ALOX5: variants seen among roughly 807,000 people sequenced by gnomAD.
ALOX5 encodes arachidonate 5-lipoxygenase, also known as polyunsaturated fatty acid 5-lipoxygenase.
Under a neutral mutation model 87.9 loss-of-function variants are expected in ALOX5, and 64 were observed. The observed-to-expected ratio is 0.73, with a 90% CI of 0.60 to 0.90. ALOX5 has a LOEUF of 0.90. Ranked by LOEUF, ALOX5 falls within the 40% of genes least tolerant of loss-of-function variation. ALOX5 has a pLI of 0.00. For synonymous variants in ALOX5, 388 were observed against 355.1 expected, an observed-to-expected ratio of 1.09 and a Z score of -1.04; for missense variants, 822 against 907.5, an observed-to-expected ratio of 0.91 and a Z score of 1.21.
intron 1 of ALOX5, among the ~76,000 whole-genome samples, chr10:45,377,436 T>C (rs569760974): frequency 4.3e-4 from 65 of 152,082 alleles, no homozygotes; most frequent in African/African-American, 1.4e-3. Flanking sequence ...TTTTTTGCTC[T>C]GAATTTTCCT....
chr10:45,432,821 G>A (rs1308799471), intron 7 of ALOX5, among the ~76,000 whole-genome samples: 1 of 152,250 alleles, frequency 6.6e-6, no homozygotes, highest in South Asian at 2.1e-4. Flanking sequence ...ATTTGATTAT[G>A]TAATGTTTTA....
chr10:45,434,252 C>T lies in ALOX5; in HGVS notation c.981+5488C>T, dbSNP rs549746572. ...CCAGTAGCACTGAACAGGTGTGCAC[C>T]AGGAGAGTGAAACTGTCTGAGGAAC... On this transcript the variant is annotated intron_variant, in intron 7 of 13. Coordinates refer to ENST00000374391, the MANE Select transcript of ALOX5 (RefSeq NM_000698.5). Among the ~76,000 whole-genome samples, 31 of 152,228 alleles carry T rather than the reference C, an allele frequency of 2.0e-4. No individual in the cohort carries two copies. In the South Asian group the frequency reaches 6.4e-3, roughly 32 times the overall value.
At chr10:45,384,312 A>G (rs1839942851) in intron 2 of ALOX5, among the ~76,000 whole-genome samples, 1 of 152,238 alleles carries the variant, frequency 6.6e-6, no homozygotes, top group Non-Finnish European at 1.5e-5. Context: ...TTTCAGGGAC[A>G]GCACAGGTTG....
intron 4 of ALOX5, among the ~76,000 whole-genome samples, chr10:45,414,771 A>G (rs1001162814): frequency 2.0e-5 from 3 of 152,232 alleles, no homozygotes; most frequent in African/African-American, 4.8e-5. Flanking sequence ...AAAAGTGGGC[A>G]AAGGATATGA....
chr10:45,423,609 A>G (rs3780902), intron 4 of ALOX5, among the ~76,000 whole-genome samples: 8,723 of 152,252 alleles, frequency 0.057, 359 homozygotes, highest in South Asian at 0.11. Context: ...TCAGCACCAA[A>G]CACGGAGCCA....
intron 5 of ALOX5, among the ~76,000 whole-genome samples, 195 bp downstream of exon 5, chr10:45,424,342 A>G (rs1444973393): frequency 2.6e-5 from 4 of 152,162 alleles, no homozygotes; most frequent in African/African-American, 9.7e-5. Context: ...TTGTGCCCAG[A>G]GGTTTCTCCT....
intron 7 of ALOX5, among the ~76,000 whole-genome samples, chr10:45,439,957 A>C (rs1842173557): frequency 6.6e-6 from 1 of 152,142 alleles, no homozygotes; most frequent in Admixed American, 6.5e-5. Context: ...GCAAGAAAAG[A>C]AGACAGGAGC....
At chr10:45,393,833 C>T (rs1840394979) in intron 2 of ALOX5, among the ~76,000 whole-genome samples, 1 of 152,194 alleles carries the variant, frequency 6.6e-6, no homozygotes, top group Non-Finnish European at 1.5e-5. Flanking sequence ...AGAGCCAAAT[C>T]AGGAGTGAAC....
intron 3 of ALOX5, 94 bp downstream of exon 3, chr10:45,396,030 C>T (rs1389546187): frequency 3.1e-6 from 4 of 1,309,792 alleles, no homozygotes; most frequent in African/African-American, 3.0e-5. Flanking sequence ...CAGTGTATGG[C>T]CTGTCACTGC....
intron 9 of ALOX5, 190 bp downstream of exon 9, chr10:45,441,620 C>T (rs992653212): frequency 2.9e-5 from 16 of 545,334 alleles, no homozygotes; most frequent in South Asian, 1.9e-4. Flanking sequence ...CTCCTCCAGG[C>T]GCACCACCAG....
rs989659749 is a variant in ALOX5, at chr10:45,440,473, C to T, written c.1025C>T (p.Ser342Leu). Reference protein sequence around the residue: ...PGDENPIFLPSDAKYDWLLAK... With the variant: ...PGDENPIFLPLDAKYDWLLAK... ...GATGAGAACCCTATTTTCCTCCCTT[C>T]GGATGCAAAATACGACTGGCTTTTG... The change falls in exon 8 of 14, where the codon TCG (serine) becomes TTG (leucine). Residue 342 changes from serine (S) to leucine (L), a missense_variant. By Grantham distance (145) the Ser-to-Leu change is moderately radical. Transcript: ENST00000374391. The T allele has an allele frequency of 1.9e-6, 3 of 1,614,216 alleles. No individual in the cohort carries two copies. The highest frequency in any genetic ancestry group is 1.6e-4 in the Middle Eastern group (1 of 6,062).
chr10:45,398,960 A>G (rs1589003849), intron 3 of ALOX5, among the ~76,000 whole-genome samples: 1 of 152,242 alleles, frequency 6.6e-6, no homozygotes, highest in East Asian at 1.9e-4. Flanking sequence ...TCTTAAGCAT[A>G]TTCCCAACAG....
chr10:45,388,821 G>A (rs1427535190), intron 2 of ALOX5, among the ~76,000 whole-genome samples: 1 of 152,228 alleles, frequency 6.6e-6, no homozygotes, highest in Non-Finnish European at 1.5e-5. Context: ...CCTCGCGAGT[G>A]GTGGAACAAA....
intron 4 of ALOX5, among the ~76,000 whole-genome samples, chr10:45,418,342 C>T (rs1195587997): frequency 6.6e-6 from 1 of 152,064 alleles, no homozygotes; most frequent in African/African-American, 2.4e-5. Flanking sequence ...GCCTCGGTGT[C>T]CTCAAATGAA....
At chr10:45,379,290 C>T (rs1330610180) in intron 1 of ALOX5, among the ~76,000 whole-genome samples, 1 of 152,140 alleles carries the variant, frequency 6.6e-6, no homozygotes, top group Non-Finnish European at 1.5e-5. Flanking sequence ...CTTCCTCCCT[C>T]TCCAGCCCCT....
At chr10:45,399,102 T>A (rs2132725542) in intron 3 of ALOX5, among the ~76,000 whole-genome samples, 1 of 152,334 alleles carries the variant, frequency 6.6e-6, no homozygotes, top group South Asian at 2.1e-4. Context: ...TATATCTATA[T>A]AATTTGACCA....
chr10:45,407,829 T>G (rs964613777), intron 3 of ALOX5, among the ~76,000 whole-genome samples: 3 of 152,110 alleles, frequency 2.0e-5, no homozygotes, highest in African/African-American at 7.2e-5. Flanking sequence ...ATGGTGAAAT[T>G]TTAACGGTTC....
At chr10:45,412,480 T>C (rs1841101153) in intron 4 of ALOX5, among the ~76,000 whole-genome samples, 167 bp downstream of exon 4, 1 of 152,058 alleles carries the variant, frequency 6.6e-6, no homozygotes, top group African/African-American at 2.4e-5. Flanking sequence ...CAACGCACAA[T>C]TGCAGGACAA....
intron 1 of ALOX5, among the ~76,000 whole-genome samples, chr10:45,382,276 A>G (rs903914295): frequency 2.0e-5 from 3 of 152,192 alleles, no homozygotes; most frequent in Non-Finnish European, 4.4e-5. Flanking sequence ...TATAGTGAGG[A>G]CATCTTTCAT....
Sources: allele counts gnomAD v4.1 joint callset (sites outside exome capture counted in the v4.1 genomes callset), GRCh38; gene constraint gnomAD v4.1.1; transcripts MANE v1.5; gene names NCBI Gene and HGNC (gene_info 2026-07-23, HGNC 2026-07-21).